HPS3: variants seen among roughly 807,000 people sequenced by gnomAD.
HPS3 encodes the protein HPS3 biogenesis of lysosomal organelles complex 2 subunit 1.
A neutral mutation model predicts 110.9 loss-of-function variants in HPS3; 79 were observed. The observed-to-expected ratio is 0.71, with a 90% CI of 0.59 to 0.86. HPS3 has a LOEUF of 0.86. Ranked by LOEUF, HPS3 falls within the 40% of genes least tolerant of loss-of-function variation. The pLI is 0.00. For synonymous variants in HPS3, 428 were observed against 451.0 expected (o/e 0.95, Z 0.65); for missense variants, 1,197 against 1,206.2 (o/e 0.99, Z 0.11).
chr3:149,167,792 T>C, intron 15 of HPS3, 101 bp from the exon 16 acceptor site: 1 of 763,578 alleles, frequency 1.3e-6, no homozygotes, highest in Non-Finnish European at 2.4e-6. Flanking sequence ...CAAAATGATG[T>C]ATTTTTGCTC....
chr3:149,164,090 A>G (rs1724168256), intron 14 of HPS3, 141 bp downstream of exon 14: 1 of 591,080 alleles, frequency 1.7e-6, no homozygotes, highest in East Asian at 2.9e-5. Flanking sequence ...CATACTCAGG[A>G]GACTTGGAGG....
intron 1 of HPS3, among the ~76,000 whole-genome samples, chr3:149,131,632 CA>C (rs1315762674): frequency 6.6e-6 from 1 of 152,158 alleles, no homozygotes; most frequent in Non-Finnish European, 1.5e-5. Context: ...GGCCCTGAGA[CA>C]CAACAATATT....
Position 149,129,683 on chromosome 3 carries a change from C to T in HPS3, c.-41C>T, listed in dbSNP as rs1432980762. The T allele has an allele frequency of 2.0e-6, 3 of 1,483,160 alleles. No individual in the cohort carries two copies. Among genetic ancestry groups the T allele is most frequent in the Admixed American group, 2.1e-5 (1 of 47,422 alleles). 91.9% of individuals were successfully genotyped at this position (1,483,160 alleles called of 1,614,324 possible). On this transcript the variant is annotated 5_prime_UTR_variant, in exon 1 of 17. Coordinates refer to ENST00000296051, the MANE Select transcript of HPS3 (RefSeq NM_032383.5). ...GGTCAGCGCGGGGTCTCCGGGCGCCCTGCAGGGCGGGCAGGCTGTGCCATC... is the reference window on the plus strand; with the variant it reads ...GGTCAGCGCGGGGTCTCCGGGCGCCTTGCAGGGCGGGCAGGCTGTGCCATC...
rs1280253490 is a variant in HPS3, at chr3:149,167,892, G to A, written c.2797-1G>A. 3 of 1,571,162 alleles carry A rather than the reference G, an allele frequency of 1.9e-6. No homozygotes were observed. Among genetic ancestry groups the A allele is most frequent in the Non-Finnish European group, 1.8e-6 (2 of 1,141,112 alleles). Reference sequence around the variant, plus strand: ...AATTTATTCATTTTTTCCTAAGATAGACTCTGTGGTGGAAAAAACTGTTGC... The same window carrying A: ...AATTTATTCATTTTTTCCTAAGATAAACTCTGTGGTGGAAAAAACTGTTGC... On this transcript the variant is annotated splice_acceptor_variant, in intron 15 of 16. Transcript: ENST00000296051. LOFTEE classifies it high-confidence loss of function.
At chr3:149,144,836 A>G (rs116529212) in intron 4 of HPS3, among the ~76,000 whole-genome samples, 3,087 of 152,336 alleles carry the variant, frequency 0.02, 117 homozygotes, top group African/African-American at 0.07. Flanking sequence ...GACTAAGTAC[A>G]AAAATGTATA....
In HPS3 at chr3:149,157,469, G is replaced by C. The variant is rs773023675; in HGVS notation, c.1629G>C (p.Glu543Asp). 6 of 1,613,942 alleles carry C rather than the reference G, an allele frequency of 3.7e-6. 1 individual carries two copies. The South Asian group carries it at 6.6e-5, about 18-fold the overall frequency. ...ATGCCAGTCAGCTGGAACCTGGAGA[G>C]AAGGCAGAGCTTTTGGAAGCATTTA... ...LMDASQLEPG[E>D]KAELLEAFKE... The change falls in exon 9 of 17, where the codon GAG becomes GAC. Residue 543 changes from glutamate (E) to aspartate (D), a missense_variant. By Grantham distance (45) the Glu-to-Asp change is conservative. Transcript: ENST00000296051.
intron 16 of HPS3, chr3:149,168,343 A>T (rs997357607): frequency 4.5e-6 from 1 of 221,608 alleles, no homozygotes; most frequent in Non-Finnish European, 9.1e-6. Flanking sequence ...GATCATTACT[A>T]TTAAACATAA....
chr3:149,141,000 C>T lies in HPS3; in HGVS notation c.713-17C>T. The T allele has an allele frequency of 6.2e-7, 1 of 1,610,422 alleles. No individual in the cohort carries two copies. Among genetic ancestry groups the T allele is most frequent in the Non-Finnish European group, 8.5e-7 (1 of 1,176,822 alleles). The stretch of plus-strand genomic sequence containing the variant: ...AATTTTCATTCAAGCAGGACTGTTA[C>T]ATTTTATTTTTTTAAGGCATCAGTA... On this transcript the variant is annotated splice_polypyrimidine_tract_variant and intron_variant, in intron 2 of 16. Coordinates refer to ENST00000296051, the MANE Select transcript of HPS3 (RefSeq NM_032383.5).
At chr3:149,137,581 A>G (rs1267099206) in intron 1 of HPS3, among the ~76,000 whole-genome samples, 3 of 152,254 alleles carry the variant, frequency 2.0e-5, no homozygotes, top group African/African-American at 2.4e-5. Context: ...CCAAGGATCC[A>G]TTGACAAGTA....
chr3:149,167,047 G>A lies in HPS3; in HGVS notation c.2603G>A (p.Gly868Asp). 1.9e-6 allele frequency: 3 copies of A among 1,612,576 alleles called. No homozygotes were observed. The highest frequency in any genetic ancestry group is 2.5e-6 in the Non-Finnish European group (3 of 1,178,824). The part of the protein sequence containing the change: ...DLSKLQSLIC[G>D]PSFDIASIIP... ...TTCTGTTCATAGTCTCTTATATGTG[G>A]TCCTTCATTTGACATAGCTTCCATT... The change falls in exon 15 of 17, where the codon GGT becomes GAT. Residue 868 changes from glycine to aspartate, a missense_variant. Coordinates refer to ENST00000296051, the MANE Select transcript of HPS3 (RefSeq NM_032383.5).
chr3:149,145,354 G>C lies in HPS3; in HGVS notation c.971G>C (p.Gly324Ala). Residue 324 changes from glycine (G) to alanine (A), a missense_variant and splice_region_variant, in exon 5 of 17, where the codon GGT (glycine) becomes GCT (alanine). By Grantham distance (60) the Gly-to-Ala change is moderately conservative (BLOSUM62 0). Transcript: ENST00000296051. ...SLQLLPIYQT[G>A]SLTSDGKNLS... ...TTATTTCTTTCATTTTTGCATGCAG[G>C]TTCTCTTACATCTGATGGAAAAAAT... 1 of 1,609,954 alleles carries C rather than the reference G, an allele frequency of 6.2e-7. No homozygotes were observed. The highest frequency in any genetic ancestry group is 1.7e-4 in the Middle Eastern group (1 of 6,026).
chr3:149,158,762 G>A lies in HPS3; in HGVS notation c.1788G>A (p.Glu596=). 6.2e-7 allele frequency: 1 copy of A among 1,612,164 alleles called. No individual in the cohort carries two copies. Among genetic ancestry groups the A allele is most frequent in the East Asian group, 2.2e-5 (1 of 44,878 alleles). Residue 596 remains glutamate (E), a synonymous_variant, in exon 10 of 17, where the codon GAG becomes GAA. Transcript: ENST00000296051. ...TGGCCCGCACGGACTGGACAGTAGA[G>A]GATGGATTACAGAAATACGAGAGAG... ...EVLARTDWTV[E]DGLQKYERGL...
intron 14 of HPS3, among the ~76,000 whole-genome samples, chr3:149,164,307 A>T (rs887246108): frequency 6.6e-6 from 1 of 152,128 alleles, no homozygotes; most frequent in African/African-American, 2.4e-5. Context: ...GTTAGTGTTG[A>T]CTTACACATT....
In HPS3 at chr3:149,162,817, T is replaced by C; in HGVS notation, c.2420T>C (p.Ile807Thr). Reference protein sequence around the residue: ...ELFFKLTSQYIWRLSKRQPPD... With the variant: ...ELFFKLTSQYTWRLSKRQPPD... Reference sequence around the variant, plus strand: ...TTTTTCAAACTCACATCACAGTACATCTGGAGATTGTCTAAGAGGCAGCCT... The same window carrying C: ...TTTTTCAAACTCACATCACAGTACACCTGGAGATTGTCTAAGAGGCAGCCT... Residue 807 changes from isoleucine (I) to threonine (T), a missense_variant, in exon 13 of 17, where the codon ATC becomes ACC. Coordinates refer to ENST00000296051, the MANE Select transcript of HPS3 (RefSeq NM_032383.5). 1 of 1,614,056 alleles carries C rather than the reference T, an allele frequency of 6.2e-7. No homozygotes were observed.
chr3:149,133,844 G>C lies in HPS3; in HGVS notation c.217+3904G>C, dbSNP rs117450206. 5.0e-4 allele frequency among the ~76,000 whole-genome samples: 76 copies of C among 152,242 alleles called. No homozygotes were observed. In the East Asian group the frequency reaches 0.014, roughly 28 times the overall value. ...GTATAATGCAATTTCACACCTAATAGACTATAATCTAGTACAAACATAACT... is the reference window on the plus strand; with the variant it reads ...GTATAATGCAATTTCACACCTAATACACTATAATCTAGTACAAACATAACT... On this transcript the variant is annotated intron_variant, in intron 1 of 16. Coordinates refer to ENST00000296051, the MANE Select transcript of HPS3 (RefSeq NM_032383.5).
Position 149,148,883 on chromosome 3 carries a change from C to T in HPS3, c.1164-1716C>T, listed in dbSNP as rs117639848. On this transcript the variant is annotated intron_variant, in intron 5 of 16. Transcript: ENST00000296051. ...ATTCTTTCTCTAGTATACATTTCTG[C>T]TTAGGATTCCAACAGTAGCCAATAG... is the stretch of plus-strand genomic sequence containing the variant. Among the ~76,000 whole-genome samples the T allele has an allele frequency of 4.6e-4, 70 of 151,316 alleles. 1 individual carries two copies. In the East Asian group the frequency reaches 0.012, roughly 27 times the overall value.
At position 149,129,881 on chromosome 3, in the gene HPS3, A is replaced by G. The variant is rs199663930; in HGVS notation, c.158A>G (p.Gln53Arg). The G allele has an allele frequency of 5.8e-4, 925 of 1,591,892 alleles. 6 individuals carry two copies. In the East Asian group the frequency reaches 0.019, roughly 33 times the overall value. Residue 53 changes from glutamine (Q) to arginine (R), a missense_variant, in exon 1 of 17, where the codon CAG (glutamine) becomes CGG (arginine). Transcript: ENST00000296051. ...GCGGTGGCCGGCCAGGAGCTGTGCC[A>G]GCCGCGGTGCGCCTTCTCCACGCTG... Reference protein sequence around the residue: ...AFAVAGQELCQPRCAFSTLGR... With the variant: ...AFAVAGQELCRPRCAFSTLGR...
chr3:149,129,941 G>A lies in HPS3; in HGVS notation c.217+1G>A. 6.5e-7 allele frequency: 1 copy of A among 1,541,300 alleles called. No individual in the cohort carries two copies. Among genetic ancestry groups the A allele is most frequent in the East Asian group, 2.4e-5 (1 of 41,108 alleles). The stretch of plus-strand genomic sequence containing the variant: ...TTGCGCCTGGCCTACAGCGAGGCTG[G>A]TGAGTAATCTAGAGAGCCAGGGGCC... On this transcript the variant is annotated splice_donor_variant, in intron 1 of 16. Transcript: ENST00000296051. LOFTEE classifies it high-confidence loss of function.
At chr3:149,136,872 AAT>A (rs1314376538) in intron 1 of HPS3, among the ~76,000 whole-genome samples, 1 of 152,196 alleles carries the variant, frequency 6.6e-6, no homozygotes, top group Non-Finnish European at 1.5e-5. Flanking sequence ...TAGGTATATG[AAT>A]AAAAAGGTTT....
Sources: allele counts gnomAD v4.1 joint callset (sites outside exome capture counted in the v4.1 genomes callset), GRCh38; gene constraint gnomAD v4.1.1; transcripts MANE v1.5; gene names NCBI Gene and HGNC (gene_info 2026-07-23, HGNC 2026-07-21).